R3HDM2: variants seen among roughly 807,000 people sequenced by gnomAD.
R3HDM2 encodes the protein R3H domain-containing protein 2.
In R3HDM2, 38 loss-of-function variants were observed where a neutral mutation model predicts 124.5. That is an observed-to-expected ratio of 0.31 (90% CI 0.24 to 0.40). The LOEUF is 0.40. R3HDM2 is among the 10% of genes least tolerant of loss of function. R3HDM2 has a pLI of 1.00. For synonymous variants in R3HDM2, 391 were observed against 448.0 expected (o/e 0.87, Z 1.61); for missense variants, 869 against 1,236.9 (o/e 0.70, Z 4.46).
At chr12:57,304,637 A>G (rs2052144241) in intron 3 of R3HDM2, 1 of 438,398 alleles carries the variant, frequency 2.3e-6, no homozygotes, top group Non-Finnish European at 3.0e-6. Context: ...GTAAGGGAAG[A>G]TTCATAGTCC....
chr12:57,395,435 G>A (rs897481187), intron 2 of R3HDM2, among the ~76,000 whole-genome samples: 5 of 151,880 alleles, frequency 3.3e-5, no homozygotes, highest in Middle Eastern at 3.2e-3. Context: ...ACCCGGGAGC[G>A]GAGGTTGCGG....
At chr12:57,408,453 G>A (rs376772687) in intron 1 of R3HDM2, among the ~76,000 whole-genome samples, 3 of 152,086 alleles carry the variant, frequency 2.0e-5, no homozygotes, top group Non-Finnish European at 2.9e-5. Flanking sequence ...ATAAGGGGCC[G>A]GGCTTGGTGG....
In R3HDM2 at chr12:57,430,745, C is replaced by A. The variant is rs1869706373; in HGVS notation, c.-131G>T. The A allele has an allele frequency of 8.8e-6, 2 of 226,388 alleles. No homozygotes were observed. Among genetic ancestry groups the A allele is most frequent in the African/African-American group, 4.7e-5 (2 of 42,350 alleles). 14.0% of individuals were successfully genotyped at this position (226,388 alleles called of 1,614,324 possible). On this transcript the variant is annotated 5_prime_UTR_variant, in exon 1 of 24. Transcript: ENST00000402412. Reference sequence around the variant, plus strand: ...CTCGCACGGGCCTTGGCGGGGAGGGCGCCCACGTCTCCGCCCGCCGCCCGG... The same window carrying A: ...CTCGCACGGGCCTTGGCGGGGAGGGAGCCCACGTCTCCGCCCGCCGCCCGG...
intron 3 of R3HDM2, 37 bp from the exon 4 acceptor site, chr12:57,303,254 G>A: frequency 2.0e-6 from 3 of 1,464,652 alleles, no homozygotes; most frequent in Non-Finnish European, 2.8e-6. Flanking sequence ...AAAGGTGGAA[G>A]AAAATCGACA....
Position 57,255,993 on chromosome 12 carries a change from C to T in R3HDM2, c.2629G>A (p.Val877Ile), listed in dbSNP as rs770241018. 8 of 1,612,066 alleles carry T rather than the reference C, an allele frequency of 5.0e-6. No homozygotes were observed. The highest frequency in any genetic ancestry group is 5.9e-6 in the Non-Finnish European group (7 of 1,179,006). ...SASTDLGTADVVLGRVLEVTD... is the reference protein window; with the variant it reads ...SASTDLGTADIVLGRVLEVTD... ...GATTCAGCATCCCGTGACTCACCAA[C>T]ATCTGCTGTCCCCAGGTCAGTGGAG... The change falls in exon 23 of 24, where the codon GTT (valine) becomes ATT (isoleucine). Residue 877 changes from valine to isoleucine, a missense_variant. Transcript: ENST00000402412.
At chr12:57,317,751 C>T (rs781173912) in intron 2 of R3HDM2, among the ~76,000 whole-genome samples, 5 of 149,020 alleles carry the variant, frequency 3.4e-5, no homozygotes, top group African/African-American at 1.2e-4. Context: ...CCGAGACAGG[C>T]GAATCATGAG....
intron 1 of R3HDM2, among the ~76,000 whole-genome samples, chr12:57,426,718 T>C (rs1301818431): frequency 6.6e-6 from 1 of 152,150 alleles, no homozygotes; most frequent in African/African-American, 2.4e-5. Flanking sequence ...TTCTCTGCCC[T>C]CAGAGTATTT....
chr12:57,269,581 T>C, intron 15 of R3HDM2, 132 bp from the exon 16 acceptor site: 1 of 1,455,672 alleles, frequency 6.9e-7, no homozygotes, highest in Non-Finnish European at 9.3e-7. Context: ...GCAATTGCAG[T>C]AAAACAAGGA....
At chr12:57,295,376 G>T in intron 10 of R3HDM2, 23 bp downstream of exon 10, 1 of 1,489,956 alleles carries the variant, frequency 6.7e-7, no homozygotes. Context: ...CTCTATATAG[G>T]CCCACCCCTT....
intron 2 of R3HDM2, among the ~76,000 whole-genome samples, chr12:57,371,971 G>A (rs533754249): frequency 3.3e-5 from 5 of 152,270 alleles, no homozygotes; most frequent in South Asian, 2.1e-4. Flanking sequence ...GGGTTCAAGC[G>A]ATTCTCCTGC....
chr12:57,375,031 A>T, intron 2 of R3HDM2, among the ~76,000 whole-genome samples: 1 of 151,642 alleles, frequency 6.6e-6, no homozygotes. Context: ...ATAAAATTGA[A>T]GTGACATTCA....
At chr12:57,416,208 G>A (rs145903454) in intron 1 of R3HDM2, among the ~76,000 whole-genome samples, 3 of 152,084 alleles carry the variant, frequency 2.0e-5, no homozygotes, top group Non-Finnish European at 4.4e-5. Flanking sequence ...ACAAAAAACT[G>A]TGTGTGTACT....
At chr12:57,403,235 T>C (rs1482986318) in intron 1 of R3HDM2, among the ~76,000 whole-genome samples, 1 of 152,160 alleles carries the variant, frequency 6.6e-6, no homozygotes, top group African/African-American at 2.4e-5. Flanking sequence ...GGCTCACACC[T>C]GTAATCCTAG....
chr12:57,416,024 A>T (rs1248706387), intron 1 of R3HDM2, among the ~76,000 whole-genome samples: 4 of 152,200 alleles, frequency 2.6e-5, no homozygotes, highest in Non-Finnish European at 5.9e-5. Flanking sequence ...ACTGTTTATA[A>T]TATTATTATA....
chr12:57,387,515 A>G (rs1223977642), intron 2 of R3HDM2, among the ~76,000 whole-genome samples: 1 of 152,188 alleles, frequency 6.6e-6, no homozygotes, highest in African/African-American at 2.4e-5. Context: ...CTTTTAGTAA[A>G]TTTATACTTT....
chr12:57,359,542 T>G (rs2061642775), intron 2 of R3HDM2, among the ~76,000 whole-genome samples: 1 of 152,232 alleles, frequency 6.6e-6, no homozygotes, highest in Non-Finnish European at 1.5e-5. Context: ...GCATGGTATA[T>G]CGTCTTTCAT....
At chr12:57,323,306 G>A (rs559596895) in intron 2 of R3HDM2, among the ~76,000 whole-genome samples, 33 of 152,304 alleles carry the variant, frequency 2.2e-4, no homozygotes, top group African/African-American at 7.7e-4. Context: ...TGAGTTATGA[G>A]TAAGAGATAT....
chr12:57,269,302 T>G (rs1195297228), intron 16 of R3HDM2, 21 bp downstream of exon 16: 1 of 1,612,556 alleles, frequency 6.2e-7, no homozygotes, highest in African/African-American at 1.3e-5. Flanking sequence ...ACTGCCTTCT[T>G]AAACCAGTGG....
At chr12:57,368,867 C>T (rs140384585) in intron 2 of R3HDM2, among the ~76,000 whole-genome samples, 2 of 152,150 alleles carry the variant, frequency 1.3e-5, no homozygotes, top group African/African-American at 4.8e-5. Flanking sequence ...TGCGGACCCC[C>T]CCAAACTCTG....
Sources: allele counts gnomAD v4.1 joint callset (sites outside exome capture counted in the v4.1 genomes callset), GRCh38; gene constraint gnomAD v4.1.1; transcripts MANE v1.5; gene names NCBI Gene and HGNC (gene_info 2026-07-23, HGNC 2026-07-21).